RAD54B: variants seen among roughly 807,000 people sequenced by gnomAD.
The protein encoded by RAD54B is RAD54 homolog B.
Under a neutral mutation model 95.8 loss-of-function variants are expected in RAD54B, and 78 were observed. The observed-to-expected ratio is 0.81, with a 90% CI of 0.68 to 0.98. The LOEUF is 0.98. Among genes scored for constraint, RAD54B ranks in the 50% least tolerant of loss-of-function variants. The pLI, the probability that RAD54B is intolerant of heterozygous loss-of-function variation, is 0.00. For synonymous variants in RAD54B, 328 were observed against 354.9 expected (o/e 0.92, Z 0.85); for missense variants, 957 against 1,056.6 (o/e 0.91, Z 1.31).
In RAD54B at chr8:94,404,092, C is replaced by T. The variant is rs757481083; in HGVS notation, c.929G>A (p.Cys310Tyr). The T allele has an allele frequency of 3.8e-6, 6 of 1,599,256 alleles. No individual in the cohort carries two copies. The East Asian group carries it at 9.0e-5, about 24-fold the overall frequency. The change falls in exon 6 of 15, where the codon TGT becomes TAT. Residue 310 changes from cysteine to tyrosine, a missense_variant. Coordinates refer to ENST00000336148, the MANE Select transcript of RAD54B (RefSeq NM_012415.3). ...ATTTTCCTACCTCATTCCCATTACA[C>T]ATTCATAAAGGAATATGATTCCTTC... The part of the protein sequence containing the change: ...QKEGIIFLYE[C>Y]VMGMRMNGRC...
At chr8:94,412,873 A>G (rs1021186362) in intron 3 of RAD54B, among the ~76,000 whole-genome samples, 5 of 152,198 alleles carry the variant, frequency 3.3e-5, no homozygotes, top group African/African-American at 1.2e-4. Flanking sequence ...GAGTCACAAG[A>G]TGCAAGGTTC....
intron 3 of RAD54B, among the ~76,000 whole-genome samples, chr8:94,443,656 T>C (rs1481159845): frequency 6.6e-6 from 1 of 152,000 alleles, no homozygotes; most frequent in Non-Finnish European, 1.5e-5. Context: ...AATTAGAGCC[T>C]CACAAAAATG....
intron 14 of RAD54B, 73 bp downstream of exon 14, chr8:94,378,107 T>G (rs1810641599): frequency 1.7e-6 from 2 of 1,179,920 alleles, no homozygotes; most frequent in Non-Finnish European, 1.2e-6. Context: ...AAGTTATTCT[T>G]TAAATATTTT....
intron 3 of RAD54B, among the ~76,000 whole-genome samples, chr8:94,457,475 C>A (rs1003728265): frequency 5.9e-5 from 9 of 152,144 alleles, no homozygotes; most frequent in Non-Finnish European, 1.2e-4. Flanking sequence ...GGACAAGATA[C>A]AAACCCATTC....
chr8:94,455,722 G>A (rs1432675564), intron 3 of RAD54B, among the ~76,000 whole-genome samples: 1 of 152,060 alleles, frequency 6.6e-6, no homozygotes, highest in African/African-American at 2.4e-5. Context: ...AGGTTCTAAG[G>A]GAGAATCTTT....
At chr8:94,389,689 T>C (rs1281097833) in intron 10 of RAD54B, among the ~76,000 whole-genome samples, 3 of 152,230 alleles carry the variant, frequency 2.0e-5, no homozygotes, top group African/African-American at 7.2e-5. Context: ...GAAACATAGT[T>C]ACAAGCCATT....
intron 3 of RAD54B, among the ~76,000 whole-genome samples, chr8:94,426,096 G>A (rs930689190): frequency 2.6e-5 from 4 of 151,928 alleles, no homozygotes; most frequent in Non-Finnish European, 4.4e-5. Context: ...GGGATTACAG[G>A]TGCCTGCCAC....
At chr8:94,431,352 C>T (rs920189436) in intron 3 of RAD54B, 5 of 984,188 alleles carry the variant, frequency 5.1e-6, no homozygotes, top group South Asian at 4.7e-5. Flanking sequence ...TTTGCTGGAA[C>T]AAAAATAGAG....
intron 10 of RAD54B, among the ~76,000 whole-genome samples, chr8:94,390,164 A>AC (rs1395030861): frequency 6.6e-6 from 1 of 151,642 alleles, no homozygotes; most frequent in Admixed American, 6.6e-5. Context: ...ATAGAGTGAG[A>AC]CCCCATCTCT....
chr8:94,393,962 G>A (rs948419732), intron 8 of RAD54B, 80 bp from the exon 9 acceptor site: 82 of 1,268,380 alleles, frequency 6.5e-5, no homozygotes, highest in Non-Finnish European at 8.4e-5. Flanking sequence ...AAACCACAAT[G>A]GAAGTTTGGA....
intron 3 of RAD54B, among the ~76,000 whole-genome samples, chr8:94,413,928 T>C (rs200650543): frequency 1.3e-5 from 2 of 148,544 alleles, no homozygotes; most frequent in African/African-American, 2.5e-5. Flanking sequence ...CTCTGCCTCC[T>C]GGGTTCAAGC....
At chr8:94,404,320 T>C (rs940106456) in intron 5 of RAD54B, 81 bp from the exon 6 acceptor site, 21 of 1,292,590 alleles carry the variant, frequency 1.6e-5, no homozygotes, top group African/African-American at 1.2e-4. Flanking sequence ...TACCCTAAGA[T>C]AGAAATGTTT....
intron 3 of RAD54B, among the ~76,000 whole-genome samples, chr8:94,451,834 T>C (rs1034404950): frequency 1.3e-5 from 2 of 151,962 alleles, no homozygotes; most frequent in African/African-American, 2.4e-5. Context: ...ACACGATGAC[T>C]AAATACAACA....
intron 3 of RAD54B, among the ~76,000 whole-genome samples, chr8:94,418,212 C>T (rs1811720912): frequency 1.3e-5 from 2 of 151,138 alleles, no homozygotes; most frequent in Non-Finnish European, 3.0e-5. Context: ...TATTACTGGA[C>T]TTTTTTTTTA....
intron 10 of RAD54B, among the ~76,000 whole-genome samples, chr8:94,390,610 T>TA (rs1273732298): frequency 3.4e-5 from 5 of 147,964 alleles, no homozygotes; most frequent in African/African-American, 1.2e-4. Flanking sequence ...TATATATACA[T>TA]ATATACATAT....
intron 3 of RAD54B, among the ~76,000 whole-genome samples, chr8:94,438,993 G>A (rs1812335261): frequency 6.6e-6 from 1 of 152,178 alleles, no homozygotes; most frequent in African/African-American, 2.4e-5. Context: ...TCGGGAACCT[G>A]AGGTGGAAGG....
chr8:94,416,405 T>C (rs1811668267), intron 3 of RAD54B, among the ~76,000 whole-genome samples: 1 of 151,926 alleles, frequency 6.6e-6, no homozygotes, highest in Non-Finnish European at 1.5e-5. Flanking sequence ...TTAGGAGATA[T>C]ACCTAATGCT....
At chr8:94,440,552 C>A (rs1013765498) in intron 3 of RAD54B, among the ~76,000 whole-genome samples, 1 of 152,086 alleles carries the variant, frequency 6.6e-6, no homozygotes, top group African/African-American at 2.4e-5. Flanking sequence ...TTGTTCTTTG[C>A]CAATGCTCGT....
intron 1 of RAD54B, among the ~76,000 whole-genome samples, chr8:94,472,073 G>A (rs925464165): frequency 6.6e-6 from 1 of 152,020 alleles, no homozygotes; most frequent in Non-Finnish European, 1.5e-5. Context: ...CCTTTATATA[G>A]TTTGAGGAAT....
Sources: gnomAD v4.1 joint callset for allele counts (sites outside exome capture counted in the v4.1 genomes callset) on GRCh38, gnomAD v4.1.1 for gene constraint, MANE v1.5 for transcripts, NCBI Gene and HGNC (gene_info 2026-07-23, HGNC 2026-07-21) for gene names.